The following PALLD variants were observed in gnomAD, a reference collection of about 807,000 sequenced individuals.
The protein encoded by PALLD is palladin.
A neutral mutation model predicts 123.5 loss-of-function variants in PALLD; 61 were observed. The ratio of observed to expected loss-of-function variants is 0.49; its 90% CI spans 0.40 to 0.61. The LOEUF is 0.61. Among genes scored for constraint, PALLD ranks in the 20% least tolerant of loss-of-function variants. PALLD has a pLI of 0.00. For synonymous variants in PALLD, 465 were observed against 496.4 expected, an observed-to-expected ratio of 0.94 and a Z score of 0.84; for missense variants, 1,273 against 1,377.0, an observed-to-expected ratio of 0.92 and a Z score of 1.20.
chr4:168,586,047 C>T (rs1013739829), intron 2 of PALLD, among the ~76,000 whole-genome samples: 4 of 148,648 alleles, frequency 2.7e-5, no homozygotes, highest in Non-Finnish European at 4.4e-5. Context: ...TAATTTTGTT[C>T]GAGTTGGAAA....
intron 1 of PALLD, among the ~76,000 whole-genome samples, chr4:168,499,245 G>A (rs1166950699): frequency 2.7e-5 from 3 of 112,088 alleles, no homozygotes; most frequent in Non-Finnish European, 5.5e-5. Flanking sequence ...AGAAGGAAGG[G>A]AGAAGGGAGG....
intron 2 of PALLD, among the ~76,000 whole-genome samples, chr4:168,587,460 C>T (rs1770949296): frequency 6.6e-6 from 1 of 152,142 alleles, no homozygotes; most frequent in South Asian, 2.1e-4. Context: ...AGACAGCTCA[C>T]CAGATTTCAC....
intron 10 of PALLD, among the ~76,000 whole-genome samples, chr4:168,718,701 T>C (rs2150246879): frequency 6.6e-6 from 1 of 152,312 alleles, no homozygotes; most frequent in South Asian, 2.1e-4. Context: ...AGCAAATATA[T>C]ACGTATATAT....
At chr4:168,637,317 G>A (rs745388442) in intron 2 of PALLD, among the ~76,000 whole-genome samples, 12 of 152,026 alleles carry the variant, frequency 7.9e-5, no homozygotes, top group Non-Finnish European at 1.5e-4. Flanking sequence ...GCCGGCTGGT[G>A]TACCAGTTAG....
chr4:168,598,202 A>G, intron 2 of PALLD: 1 of 351,640 alleles, frequency 2.8e-6, no homozygotes, highest in Non-Finnish European at 5.8e-6. Context: ...TATTTGTTAA[A>G]TCTAGTCCAT....
intron 10 of PALLD, among the ~76,000 whole-genome samples, chr4:168,861,822 A>G (rs1413211848): frequency 6.6e-6 from 1 of 151,764 alleles, no homozygotes; most frequent in African/African-American, 2.4e-5. Context: ...TGCCCAGCTA[A>G]TTTTTTAGTT....
chr4:168,749,273 G>A (rs1414644032), intron 10 of PALLD, among the ~76,000 whole-genome samples: 1 of 152,120 alleles, frequency 6.6e-6, no homozygotes, highest in Non-Finnish European at 1.5e-5. Context: ...TGTACATCCT[G>A]CAGAAACATG....
intron 3 of PALLD, 61 bp from the exon 4 acceptor site, chr4:168,681,271 T>G: frequency 1.0e-6 from 1 of 955,072 alleles, no homozygotes; most frequent in Non-Finnish European, 1.7e-6. Context: ...TATAATTCTT[T>G]GCAATTATTA....
chr4:168,558,225 C>G (rs548025479), intron 2 of PALLD, among the ~76,000 whole-genome samples: 2 of 152,310 alleles, frequency 1.3e-5, no homozygotes, highest in South Asian at 4.1e-4. Context: ...GCTCTGGCCC[C>G]CAAACTGCAA....
intron 10 of PALLD, among the ~76,000 whole-genome samples, chr4:168,859,454 T>G (rs1024584184): frequency 2.0e-5 from 3 of 152,230 alleles, no homozygotes; most frequent in African/African-American, 7.2e-5. Context: ...GCTGACCATG[T>G]GTGGATGTCT....
intron 10 of PALLD, among the ~76,000 whole-genome samples, chr4:168,846,903 A>G (rs1746943174): frequency 1.3e-5 from 2 of 152,230 alleles, no homozygotes; most frequent in South Asian, 4.1e-4. Context: ...CAATATTACC[A>G]TGAAAAAATG....
chr4:168,706,790 A>G (rs1313281292), intron 8 of PALLD, among the ~76,000 whole-genome samples: 3 of 152,226 alleles, frequency 2.0e-5, no homozygotes. Flanking sequence ...ATAACACGAC[A>G]TCAAAAACTA....
intron 8 of PALLD, among the ~76,000 whole-genome samples, chr4:168,706,960 CTTTAT>C (rs1049168253): frequency 2.6e-5 from 4 of 152,084 alleles, no homozygotes; most frequent in African/African-American, 9.7e-5. Flanking sequence ...AACATTTACA[CTTTAT>C]TTTATACTTA....
intron 10 of PALLD, among the ~76,000 whole-genome samples, chr4:168,840,814 G>T (rs1214170958): frequency 6.6e-6 from 1 of 152,048 alleles, no homozygotes; most frequent in Admixed American, 6.5e-5. Context: ...GGGGAGTTGG[G>T]TAGGGTAGAT....
At chr4:168,561,647 TCTTAA>T (rs1031501444) in intron 2 of PALLD, among the ~76,000 whole-genome samples, 29 of 152,234 alleles carry the variant, frequency 1.9e-4, no homozygotes, top group African/African-American at 6.3e-4. Context: ...TACGCTTTTT[TCTTAA>T]CTTATTTTTC....
At chr4:168,822,065 A>C (rs1365280327) in intron 10 of PALLD, among the ~76,000 whole-genome samples, 1 of 152,084 alleles carries the variant, frequency 6.6e-6, no homozygotes, top group Non-Finnish European at 1.5e-5. Context: ...AAGGAATGTT[A>C]GAGCTCAGCC....
At chr4:168,739,837 G>A (rs369464475) in intron 10 of PALLD, among the ~76,000 whole-genome samples, 3 of 152,264 alleles carry the variant, frequency 2.0e-5, no homozygotes, top group African/African-American at 7.2e-5. Flanking sequence ...CCTATTTACT[G>A]CGTGAATTTT....
At chr4:168,506,112 C>G (rs1013273668) in intron 1 of PALLD, 6 of 152,364 alleles carry the variant, frequency 3.9e-5, no homozygotes, top group South Asian at 4.1e-4. Flanking sequence ...TATCTCTGTA[C>G]CTTCACCTGG....
intron 10 of PALLD, among the ~76,000 whole-genome samples, chr4:168,874,898 A>C (rs937167206): frequency 6.6e-6 from 1 of 152,086 alleles, no homozygotes; most frequent in Admixed American, 6.5e-5. Context: ...AATCGCTTAG[A>C]TTTTTTGAAT....
Sources: allele counts gnomAD v4.1 joint callset (sites outside exome capture counted in the v4.1 genomes callset), GRCh38; gene constraint gnomAD v4.1.1; transcripts MANE v1.5; gene names NCBI Gene and HGNC (gene_info 2026-07-23, HGNC 2026-07-21).